Variants in COL13A1 observed in about 807,000 individuals in gnomAD.
COL13A1 encodes collagen alpha-1(XIII) chain.
In COL13A1, 89 loss-of-function variants were observed where a neutral mutation model predicts 130.9. That is an observed-to-expected ratio of 0.68 (90% CI 0.57 to 0.81). The LOEUF (loss-of-function observed/expected upper bound fraction) is 0.81, where lower values mean the gene tolerates loss of function less well. Ranked by LOEUF, COL13A1 falls within the 30% of genes least tolerant of loss-of-function variation. The probability of loss-of-function intolerance (pLI) is 0.00; values close to 1 mark genes in which losing one functional copy is unlikely to be tolerated. For synonymous variants in COL13A1, 402 were observed against 341.6 expected (o/e 1.18, Z -1.95); for missense variants, 879 against 934.6 (o/e 0.94, Z 0.78).
At chr10:69,885,637 C>G (rs1350830697) in intron 7 of COL13A1, among the ~76,000 whole-genome samples, 1 of 152,162 alleles carries the variant, frequency 6.6e-6, no homozygotes, top group African/African-American at 2.4e-5. Flanking sequence ...ATCCCTACCA[C>G]GTAAACATTG....
intron 38 of COL13A1, 105 bp from the exon 39 acceptor site, chr10:69,952,776 CT>C: frequency 1.2e-6 from 1 of 804,684 alleles, no homozygotes; most frequent in Non-Finnish European, 1.9e-6. Flanking sequence ...TAAAGCATCT[CT>C]TTTTCCCTTT....
intron 6 of COL13A1, among the ~76,000 whole-genome samples, chr10:69,880,195 C>A (rs2059991122): frequency 6.6e-6 from 1 of 152,096 alleles, no homozygotes; most frequent in African/African-American, 2.4e-5. Flanking sequence ...CACCCTGTCT[C>A]CCCGGAACCC....
intron 1 of COL13A1, among the ~76,000 whole-genome samples, chr10:69,821,491 T>C (rs950748200): frequency 6.6e-6 from 1 of 152,218 alleles, no homozygotes; most frequent in East Asian, 1.9e-4. Context: ...GGGTATCAGG[T>C]GCCATTCTTT....
chr10:69,931,709 C>G (rs1307323683), intron 30 of COL13A1, among the ~76,000 whole-genome samples: 1 of 152,222 alleles, frequency 6.6e-6, no homozygotes, highest in Non-Finnish European at 1.5e-5. Flanking sequence ...TGGAAGCTCC[C>G]TTGTCAGCCT....
At chr10:69,928,878 G>A in intron 27 of COL13A1, 59 bp from the exon 28 acceptor site, 2 of 1,349,366 alleles carry the variant, frequency 1.5e-6, no homozygotes, top group Non-Finnish European at 2.1e-6. Flanking sequence ...AGCCCTCAGG[G>A]CACAGGCTAC....
At chr10:69,838,927 A>G (rs1850837377) in intron 2 of COL13A1, among the ~76,000 whole-genome samples, 1 of 152,248 alleles carries the variant, frequency 6.6e-6, no homozygotes, top group South Asian at 2.1e-4. Context: ...CTGCGTGTGA[A>G]GCCCCATTGA....
At chr10:69,858,115 C>CAAAAAA (rs573668102) in intron 2 of COL13A1, among the ~76,000 whole-genome samples, 919 of 80,330 alleles carry the variant, frequency 0.011, 107 homozygotes, top group African/African-American at 0.018. Flanking sequence ...GACTCCGTCT[C>CAAAAAA]AAAAAAAAAA....
intron 1 of COL13A1, among the ~76,000 whole-genome samples, chr10:69,815,567 G>A (rs548296371): frequency 1.3e-5 from 2 of 152,294 alleles, no homozygotes; most frequent in South Asian, 4.1e-4. Context: ...CCAGGCTGGT[G>A]GCCTAAGTAG....
chr10:69,872,103 A>T (rs984261980), intron 3 of COL13A1, 81 bp from the exon 4 acceptor site: 45 of 1,555,704 alleles, frequency 2.9e-5, no homozygotes, highest in Middle Eastern at 3.3e-4. Context: ...TGCCAAGGTC[A>T]CACAGCTGGT....
chr10:69,922,878 G>A (rs1238960402), intron 23 of COL13A1, 84 bp downstream of exon 23: 19 of 887,286 alleles, frequency 2.1e-5, no homozygotes, highest in South Asian at 2.1e-4. Flanking sequence ...TCTACGTCCC[G>A]GACATCCCGC....
intron 1 of COL13A1, among the ~76,000 whole-genome samples, chr10:69,803,905 A>G (rs918901830): frequency 3.9e-5 from 6 of 152,138 alleles, no homozygotes; most frequent in Admixed American, 1.3e-4. Flanking sequence ...CCTATTCCCT[A>G]TAGCCAGGCT....
intron 2 of COL13A1, among the ~76,000 whole-genome samples, chr10:69,864,439 T>C (rs1859208069): frequency 6.6e-6 from 1 of 152,230 alleles, no homozygotes; most frequent in Non-Finnish European, 1.5e-5. Context: ...CATAGGAAAC[T>C]GTTGGCTTCT....
intron 17 of COL13A1, among the ~76,000 whole-genome samples, chr10:69,911,680 G>C (rs577776991): frequency 4.7e-4 from 72 of 152,364 alleles, no homozygotes; most frequent in Admixed American, 1.2e-3. Context: ...GCCTTTCTCT[G>C]AGTCTCCAGG....
chr10:69,904,417 T>C (rs540283017), intron 15 of COL13A1, among the ~76,000 whole-genome samples: 8 of 152,280 alleles, frequency 5.3e-5, no homozygotes, highest in Middle Eastern at 3.4e-3. Flanking sequence ...CACCCAAGGC[T>C]GCGGTGGAGC....
chr10:69,822,464 C>A, intron 2 of COL13A1, 26 bp downstream of exon 2: 1 of 1,553,488 alleles, frequency 6.4e-7, no homozygotes, highest in African/African-American at 1.4e-5. Flanking sequence ...AATAGGTGAC[C>A]GCGGATGTTC....
intron 39 of COL13A1, among the ~76,000 whole-genome samples, chr10:69,953,725 G>C (rs1236529264): frequency 1.3e-5 from 2 of 152,226 alleles, no homozygotes; most frequent in African/African-American, 4.8e-5. Context: ...AGGATCAACG[G>C]AGAGGGGGCA....
intron 39 of COL13A1, 141 bp from the exon 40 acceptor site, chr10:69,956,857 TGTAGTA>T: frequency 3.1e-6 from 2 of 647,348 alleles, no homozygotes. Context: ...GGTTCTGACC[TGTAGTA>T]GAGAAAAGAA....
At chr10:69,826,366 C>A (rs892586368) in intron 2 of COL13A1, among the ~76,000 whole-genome samples, 1 of 152,176 alleles carries the variant, frequency 6.6e-6, no homozygotes, top group African/African-American at 2.4e-5. Context: ...AAAGGGTAGG[C>A]CAGAGTCATG....
At chr10:69,935,076 T>A (rs1045716011) in intron 31 of COL13A1, among the ~76,000 whole-genome samples, 1 of 151,176 alleles carries the variant, frequency 6.6e-6, no homozygotes, top group African/African-American at 2.5e-5. Context: ...GGTGTTTTTT[T>A]TGTTTTTTTT....
Sources: gnomAD v4.1 joint callset for allele counts (sites outside exome capture counted in the v4.1 genomes callset) on GRCh38, gnomAD v4.1.1 for gene constraint, MANE v1.5 for transcripts, NCBI Gene and HGNC (gene_info 2026-07-23, HGNC 2026-07-21) for gene names.